The following PTPN3 variants were observed in gnomAD, a reference collection of about 807,000 sequenced individuals.
PTPN3 encodes the protein protein tyrosine phosphatase non-receptor type 3.
PTPN3 carries 96 observed loss-of-function variants against 132.7 expected under a neutral mutation model. The ratio of observed to expected loss-of-function variants is 0.72; its 90% CI spans 0.61 to 0.86. The LOEUF (loss-of-function observed/expected upper bound fraction) is 0.86, where lower values mean the gene tolerates loss of function less well. PTPN3 is among the 40% of genes least tolerant of loss of function. The probability of loss-of-function intolerance (pLI) is 0.00; values close to 1 mark genes in which losing one functional copy is unlikely to be tolerated. For missense variants in PTPN3, 1,125 were observed against 1,159.6 expected, an observed-to-expected ratio of 0.97 and a Z score of 0.43; for synonymous variants, 398 against 429.0, an observed-to-expected ratio of 0.93 and a Z score of 0.89.
intron 5 of PTPN3, among the ~76,000 whole-genome samples, chr9:109,452,606 C>T (rs1050744266): frequency 6.6e-6 from 1 of 151,646 alleles, no homozygotes; most frequent in African/African-American, 2.4e-5. Context: ...CAGTCGATCA[C>T]TTAGGCTGGA....
intron 5 of PTPN3, chr9:109,450,161 A>C (rs1845155844): frequency 1.2e-5 from 12 of 984,638 alleles, no homozygotes; most frequent in Non-Finnish European, 1.4e-5. Flanking sequence ...TAATATTATT[A>C]CTTTGATTAT....
At chr9:109,489,421 T>G (rs1847356025) in intron 1 of PTPN3, among the ~76,000 whole-genome samples, 3 of 152,250 alleles carry the variant, frequency 2.0e-5, no homozygotes, top group Non-Finnish European at 4.4e-5. Flanking sequence ...AGATTCCTAG[T>G]GCTAGAGGGT....
intron 5 of PTPN3, chr9:109,450,331 T>A (rs1407130708): frequency 7.1e-6 from 7 of 985,230 alleles, no homozygotes; most frequent in Non-Finnish European, 8.4e-6. Context: ...CAAGCTGACA[T>A]TCAACCAGAA....
At chr9:109,411,715 G>C (rs1842091271) in intron 14 of PTPN3, among the ~76,000 whole-genome samples, 1 of 152,224 alleles carries the variant, frequency 6.6e-6, no homozygotes, top group Admixed American at 6.5e-5. Context: ...TTATGAAATT[G>C]GTGCTTCTCT....
At chr9:109,517,284 A>G in the PTPN3 span, among the ~76,000 whole-genome samples, 1 of 152,164 alleles carries the variant, frequency 6.6e-6, no homozygotes. Context: ...AAGTTAATAC[A>G]TGCTCAGTTA....
intron 1 of PTPN3, among the ~76,000 whole-genome samples, chr9:109,493,954 A>T (rs918598355): frequency 6.6e-6 from 1 of 152,242 alleles, no homozygotes; most frequent in South Asian, 2.1e-4. Flanking sequence ...CACTCACAAC[A>T]GTGTGTGGCA....
intron 1 of PTPN3, among the ~76,000 whole-genome samples, chr9:109,487,783 A>G (rs1847279236): frequency 6.6e-6 from 1 of 152,386 alleles, no homozygotes; most frequent in African/African-American, 2.4e-5. Context: ...TATTAACAAA[A>G]TAATAAAAAT....
At chr9:109,425,659 C>T (rs999353004) in intron 12 of PTPN3, among the ~76,000 whole-genome samples, 8 of 151,148 alleles carry the variant, frequency 5.3e-5, no homozygotes, top group African/African-American at 1.5e-4. Flanking sequence ...TGCAGTGAGC[C>T]GAGATCACTC....
the PTPN3 span, among the ~76,000 whole-genome samples, chr9:109,533,178 C>T: frequency 8.5e-6 from 1 of 117,994 alleles, no homozygotes; most frequent in Non-Finnish European, 1.7e-5. Flanking sequence ...CGCTCTGTCG[C>T]CCAGGCCGGA....
Position 109,457,066 on chromosome 9 carries a change from C to T in PTPN3, c.289+107G>A, listed in dbSNP as rs141141253. On this transcript the variant is annotated intron_variant, in intron 4 of 25. Coordinates refer to ENST00000374541, the MANE Select transcript of PTPN3 (RefSeq NM_002829.4). ...GGCTCACTCATGACTCCTGGACACC[C>T]GGAACTACAGGTACCAGATGTCACA... 3.7e-4 allele frequency: 448 copies of T among 1,206,240 alleles called. 3 individuals are homozygous for T. In the African/African-American group the frequency reaches 6.2e-3, roughly 17 times the overall value. 74.7% of individuals were successfully genotyped at this position (1,206,240 alleles called of 1,614,324 possible).
the PTPN3 span, among the ~76,000 whole-genome samples, chr9:109,536,838 T>C: frequency 3.9e-5 from 6 of 152,200 alleles, no homozygotes; most frequent in African/African-American, 1.4e-4. Flanking sequence ...CTCTGGGAAG[T>C]TAAATTCCCC....
chr9:109,448,999 C>T (rs1327009780), intron 5 of PTPN3, 144 bp from the exon 6 acceptor site: 6 of 1,441,812 alleles, frequency 4.2e-6, no homozygotes, highest in African/African-American at 1.4e-5. Context: ...GTATCAGGTG[C>T]TACCTTACGC....
the PTPN3 span, chr9:109,533,947 A>T: frequency 1.3e-6 from 1 of 755,780 alleles, no homozygotes; most frequent in Non-Finnish European, 2.4e-6. Context: ...GAACACCACC[A>T]GGACCTATAA....
intron 14 of PTPN3, among the ~76,000 whole-genome samples, chr9:109,414,550 T>A (rs1334971830): frequency 6.6e-6 from 1 of 152,354 alleles, no homozygotes; most frequent in Non-Finnish European, 1.5e-5. Context: ...ATTTTTATGA[T>A]GTGGAGACAG....
Position 109,381,683 on chromosome 9 carries a change from C to T in PTPN3, c.2633G>A (p.Arg878Gln), listed in dbSNP as rs1382323139. Residue 878 changes from arginine (R) to glutamine (Q), a missense_variant, in exon 25 of 26, where the codon CGA becomes CAA. Coordinates refer to ENST00000374541, the MANE Select transcript of PTPN3 (RefSeq NM_002829.4). ...IYPLDIVRKM[R>Q]DQRAMMVQTS... is the part of the protein sequence containing the mutation. ...CTGCACCATCATGGCGCGCTGGTCT[C>T]GCATTTTTCGGACAATATCCAGTGG... The T allele has an allele frequency of 2.5e-6, 4 of 1,614,242 alleles. No individual in the cohort carries two copies. The highest frequency in any genetic ancestry group is 1.7e-5 in the Admixed American group (1 of 60,034).
At chr9:109,404,280 T>C (rs1321825690) in intron 19 of PTPN3, among the ~76,000 whole-genome samples, 168 bp downstream of exon 19, 3 of 152,176 alleles carry the variant, frequency 2.0e-5, no homozygotes, top group African/African-American at 7.2e-5. Flanking sequence ...GGCCTCGCCC[T>C]GTCAGTCCTC....
intron 2 of PTPN3, among the ~76,000 whole-genome samples, chr9:109,462,844 C>T (rs1845913398): frequency 6.6e-6 from 1 of 151,978 alleles, no homozygotes; most frequent in Non-Finnish European, 1.5e-5. Context: ...GGGGAAACAA[C>T]ACCCTTTCTA....
At chr9:109,521,509 G>T in the PTPN3 span, among the ~76,000 whole-genome samples, 1 of 152,134 alleles carries the variant, frequency 6.6e-6, no homozygotes, top group Non-Finnish European at 1.5e-5. Flanking sequence ...CCCTCTGCCT[G>T]CAACATGTCC....
chr9:109,524,382 T>TACATGCCTAGA, the PTPN3 span, among the ~76,000 whole-genome samples: 1 of 39,314 alleles, frequency 2.5e-5, no homozygotes, highest in Non-Finnish European at 4.7e-5. Flanking sequence ...ATTATTCCCA[T>TACATGCCTAGA]CTCACAGCTG....
Sources: gnomAD v4.1 joint callset for allele counts (sites outside exome capture counted in the v4.1 genomes callset) on GRCh38, gnomAD v4.1.1 for gene constraint, MANE v1.5 for transcripts, NCBI Gene and HGNC (gene_info 2026-07-23, HGNC 2026-07-21) for gene names.